The following KIFAP3 variants were observed in gnomAD, a reference collection of about 807,000 sequenced individuals.
The protein encoded by KIFAP3 is kinesin-associated protein 3.
In KIFAP3, 68 loss-of-function variants were observed where a neutral mutation model predicts 106.5. That is an observed-to-expected ratio of 0.64 (90% CI 0.53 to 0.78). The LOEUF is 0.78. Ranked by LOEUF, KIFAP3 falls within the 30% of genes least tolerant of loss-of-function variation. KIFAP3 has a pLI of 0.00. For synonymous variants in KIFAP3, 320 were observed against 311.5 expected, an observed-to-expected ratio of 1.03 and a Z score of -0.29; for missense variants, 780 against 941.8, an observed-to-expected ratio of 0.83 and a Z score of 2.25.
intron 16 of KIFAP3, among the ~76,000 whole-genome samples, chr1:169,976,164 T>C (rs1049253379): frequency 2.0e-5 from 3 of 152,182 alleles, no homozygotes; most frequent in Non-Finnish European, 4.4e-5. Context: ...ACTTCACTTT[T>C]TAGTCCTCAC....
At chr1:169,998,391 T>C (rs199581259) in intron 10 of KIFAP3, among the ~76,000 whole-genome samples, 4 of 131,988 alleles carry the variant, frequency 3.0e-5, no homozygotes, top group African/African-American at 9.2e-5. Context: ...GATATATATA[T>C]ATATATATAC....
At chr1:170,070,112 G>A (rs548280784) in intron 1 of KIFAP3, among the ~76,000 whole-genome samples, 54 of 152,012 alleles carry the variant, frequency 3.6e-4, no homozygotes, top group African/African-American at 1.2e-3. Flanking sequence ...CGTAACCAAG[G>A]AACAACTGTA....
intron 8 of KIFAP3, among the ~76,000 whole-genome samples, chr1:170,029,964 T>C (rs1669311838): frequency 6.6e-6 from 1 of 151,962 alleles, no homozygotes; most frequent in Non-Finnish European, 1.5e-5. Flanking sequence ...TCACCCCATA[T>C]ACAAAAATTA....
intron 2 of KIFAP3, among the ~76,000 whole-genome samples, chr1:170,053,370 C>T (rs962351101): frequency 6.6e-6 from 1 of 152,064 alleles, no homozygotes; most frequent in African/African-American, 2.4e-5. Context: ...GAAAAACATC[C>T]CATCCTCATG....
intron 19 of KIFAP3, among the ~76,000 whole-genome samples, chr1:169,952,769 G>A (rs1233256612): frequency 6.6e-6 from 1 of 152,048 alleles, no homozygotes; most frequent in Non-Finnish European, 1.5e-5. Flanking sequence ...TTAAAATGTT[G>A]CTGTGCAAGT....
chr1:170,037,732 C>T (rs1669763733), intron 5 of KIFAP3, among the ~76,000 whole-genome samples: 1 of 152,064 alleles, frequency 6.6e-6, no homozygotes, highest in Non-Finnish European at 1.5e-5. Flanking sequence ...GATCGCGCCA[C>T]TGCACTCCAG....
intron 7 of KIFAP3, among the ~76,000 whole-genome samples, chr1:170,033,216 T>C (rs77861373): frequency 0.063 from 9,541 of 151,714 alleles, 377 homozygotes; most frequent in Non-Finnish European, 0.095. Flanking sequence ...TCAAAGCTTG[T>C]GTGTGGGTGT....
At chr1:170,078,204 T>C (rs1671956511), upstream of KIFAP3, among the ~76,000 whole-genome samples, 1 of 152,048 alleles carries the variant, frequency 6.6e-6, no homozygotes, top group South Asian at 2.1e-4. Context: ...TTCCAGCACT[T>C]GGTATTTTGT....
rs573882082 is a variant in KIFAP3 at position 169,976,967 on chromosome 1, C to T, written c.1897+1118G>A. ...CTCAAACACCTGAGCTCAAGTGATG[C>T]TCCCACCTCAGGTTCCCAAAGTGCT... On this transcript the variant is annotated intron_variant, in intron 16 of 19. Transcript: ENST00000361580. Among the ~76,000 whole-genome samples the T allele has an allele frequency of 3.3e-5, 5 of 152,158 alleles. No individual in the cohort carries two copies. In the South Asian group the frequency reaches 1.0e-3, roughly 32 times the overall value.
At chr1:169,941,412 A>G (rs1664105266) in intron 19 of KIFAP3, among the ~76,000 whole-genome samples, 1 of 152,154 alleles carries the variant, frequency 6.6e-6, no homozygotes. Context: ...CAGTCTTCTG[A>G]GTTCTCAATA....
chr1:170,057,533 T>C (rs1030019258), intron 1 of KIFAP3, among the ~76,000 whole-genome samples: 4 of 150,510 alleles, frequency 2.7e-5, no homozygotes, highest in African/African-American at 4.9e-5. Flanking sequence ...TTACCACATA[T>C]ACATTCAGAT....
intron 8 of KIFAP3, among the ~76,000 whole-genome samples, chr1:170,029,543 T>C (rs1032592241): frequency 6.6e-6 from 1 of 151,986 alleles, no homozygotes; most frequent in South Asian, 2.1e-4. Context: ...ATATCTGTAT[T>C]TGAGAAGAAA....
In KIFAP3 at chr1:169,984,601, A is replaced by G. The variant is rs1247947926; in HGVS notation, c.1374T>C (p.Asn458=). Residue 458 remains asparagine, a synonymous_variant, in exon 12 of 20, where the codon AAT becomes AAC. Coordinates refer to ENST00000361580, the MANE Select transcript of KIFAP3 (RefSeq NM_014970.4). The part of the protein sequence containing the change: ...FCINLAANKR[N]VQLICEGNGL... ...ACTGACCTTCACAGATAAGCTGTAC[A>G]TTTCTTTTGTTAGCAGCAAGATTAA... is the stretch of plus-strand genomic sequence containing the variant. The G allele has an allele frequency of 1.2e-6, 2 of 1,601,812 alleles. No individual in the cohort carries two copies. Among genetic ancestry groups the G allele is most frequent in the Admixed American group, 1.7e-5 (1 of 59,518 alleles).
chr1:169,992,707 A>T (rs1054179490), intron 10 of KIFAP3, among the ~76,000 whole-genome samples: 1 of 152,160 alleles, frequency 6.6e-6, no homozygotes, highest in African/African-American at 2.4e-5. Context: ...AGTAGTAGTT[A>T]TAACAAAAAA....
At chr1:169,947,479 T>C (rs541417263) in intron 19 of KIFAP3, among the ~76,000 whole-genome samples, 2 of 151,964 alleles carry the variant, frequency 1.3e-5, no homozygotes, top group East Asian at 3.9e-4. Flanking sequence ...TAAGAACAAG[T>C]ATTAGGGACT....
chr1:170,030,883 A>G (rs1226855072), intron 8 of KIFAP3, among the ~76,000 whole-genome samples: 4 of 151,678 alleles, frequency 2.6e-5, no homozygotes, highest in African/African-American at 4.8e-5. Flanking sequence ...TATGGTCATT[A>G]TTTCATGGGT....
At chr1:170,053,526 A>G (rs1403976769) in intron 2 of KIFAP3, among the ~76,000 whole-genome samples, 1 of 152,096 alleles carries the variant, frequency 6.6e-6, no homozygotes, top group African/African-American at 2.4e-5. Context: ...TAGCCAAGAC[A>G]GTTCTAAGCA....
chr1:170,074,687 GA>G lies in KIFAP3; in HGVS notation c.-221del. 1 of 1,415,904 alleles carries G rather than the reference GA, an allele frequency of 7.1e-7. No individual in the cohort carries two copies. The highest frequency in any genetic ancestry group is 1.5e-5 in the South Asian group (1 of 66,936). The allele number at this position is 1,415,904 out of a possible 1,614,324, so 87.7% of individuals were successfully genotyped here. On this transcript the variant is annotated 5_prime_UTR_variant, in exon 1 of 20. Transcript: ENST00000361580. ...CACTGGAGCGGCCCAGACCCGCCCA[GA>G]GTCGCCTAAGCCGGGCCGTCACGAC...
intron 9 of KIFAP3, among the ~76,000 whole-genome samples, chr1:170,018,794 G>C (rs1668657985): frequency 6.6e-6 from 1 of 151,898 alleles, no homozygotes; most frequent in Admixed American, 6.6e-5. Flanking sequence ...AACACAAATT[G>C]TTTTAAATTG....
Sources: allele counts gnomAD v4.1 joint callset (sites outside exome capture counted in the v4.1 genomes callset), GRCh38; gene constraint gnomAD v4.1.1; transcripts MANE v1.5; gene names NCBI Gene and HGNC (gene_info 2026-07-23, HGNC 2026-07-21).